Variants in KIRREL3 observed in about 807,000 individuals in gnomAD.
The protein encoded by KIRREL3 is kirre like nephrin family adhesion molecule 3.
KIRREL3 carries 36 observed loss-of-function variants against 89.7 expected under a neutral mutation model. That is an observed-to-expected ratio of 0.40 (90% CI 0.31 to 0.53). The LOEUF is 0.53. Ranked by LOEUF, KIRREL3 falls within the 20% of genes least tolerant of loss-of-function variation. The pLI is 0.49. For missense variants in KIRREL3, 864 were observed against 1,056.6 expected (o/e 0.82, Z 2.53); for synonymous variants, 445 against 441.4 (o/e 1.01, Z -0.10).
chr11:126,482,563 T>G (rs1387579571), intron 4 of KIRREL3, among the ~76,000 whole-genome samples: 1 of 152,248 alleles, frequency 6.6e-6, no homozygotes, highest in African/African-American at 2.4e-5. Context: ...AAGGGTCTGA[T>G]GGATGATGTG....
rs78852819 is a variant in KIRREL3, at chr11:126,641,718, C to T, written c.56-78806G>A. Among the ~76,000 whole-genome samples, 647 of 152,204 alleles carry T rather than the reference C, an allele frequency of 4.3e-3. 7 individuals are homozygous for T. The highest frequency in any genetic ancestry group is 0.015 in the African/African-American group (622 of 41,528). Reference sequence around the variant, plus strand: ...AGTCTTTCTCCTTCTCTCTTTGTACCCAGAGGCTCCAGCATATTTGCATAG... The same window carrying T: ...AGTCTTTCTCCTTCTCTCTTTGTACTCAGAGGCTCCAGCATATTTGCATAG... On this transcript the variant is annotated intron_variant, in intron 1 of 16. Coordinates refer to ENST00000525144, the MANE Select transcript of KIRREL3 (RefSeq NM_032531.4). The surrounding 1 kb of genome is among the most constrained non-coding windows in gnomAD (Gnocchi z 5.0).
chr11:126,543,014 C>T (rs902051266), intron 2 of KIRREL3, among the ~76,000 whole-genome samples: 8 of 152,128 alleles, frequency 5.3e-5, no homozygotes, highest in African/African-American at 1.7e-4. Context: ...GAGCAGGTCC[C>T]ATCATCAGCC....
Position 126,521,306 on chromosome 11 carries a change from G to A in KIRREL3, c.433+9C>T. On this transcript the variant is annotated intron_variant, in intron 4 of 16. Coordinates refer to ENST00000525144, the MANE Select transcript of KIRREL3 (RefSeq NM_032531.4). The surrounding 1 kb of genome is among the most constrained non-coding windows in gnomAD (Gnocchi z 4.1). ...CAGTGTCCCAGCCCCGTGTGCAGAT[G>A]GTTCTTACCCAGGACTGTGAGGCGT... 6.5e-7 allele frequency: 1 copy of A among 1,531,650 alleles called. No individual in the cohort carries two copies. The highest frequency in any genetic ancestry group is 8.8e-7 in the Non-Finnish European group (1 of 1,133,828). The allele number at this position is 1,531,650 out of a possible 1,614,324, so 94.9% of individuals were successfully genotyped here.
chr11:126,535,121 G>A lies in KIRREL3; in HGVS notation c.134-8434C>T, dbSNP rs1937741330. Among the ~76,000 whole-genome samples the A allele has an allele frequency of 6.6e-6, 1 of 152,032 alleles. No homozygotes were observed. Among genetic ancestry groups the A allele is most frequent in the Non-Finnish European group, 1.5e-5 (1 of 68,020 alleles). Reference sequence around the variant, plus strand: ...GGGCAGAGCTGGGAGCAGGCAGATGGCATCCTCAGATCAGTGGTGGGGCTG... The same window carrying A: ...GGGCAGAGCTGGGAGCAGGCAGATGACATCCTCAGATCAGTGGTGGGGCTG... On this transcript the variant is annotated intron_variant, in intron 2 of 16. Coordinates refer to ENST00000525144, the MANE Select transcript of KIRREL3 (RefSeq NM_032531.4). The surrounding 1 kb of genome is among the most constrained non-coding windows in gnomAD (Gnocchi z 4.5).
chr11:126,784,792 C>T (rs769301079), intron 1 of KIRREL3, among the ~76,000 whole-genome samples: 3 of 152,208 alleles, frequency 2.0e-5, no homozygotes, highest in Non-Finnish European at 4.4e-5. Flanking sequence ...CCTCTATCAC[C>T]ATTTTACTTA....
At position 126,940,622 on chromosome 11, in the gene KIRREL3, C is replaced by T. The variant is rs1306825681; in HGVS notation, c.55+59833G>A. The T allele has an allele frequency of 6.6e-6, 1 of 152,056 alleles. No homozygotes were observed. Among genetic ancestry groups the T allele is most frequent in the Admixed American group, 6.6e-5 (1 of 15,264 alleles). The allele number at this position is 152,056 out of a possible 1,614,324, so 9.4% of individuals were successfully genotyped here. ...TGCATTTTCACCCTTCTCAGCCATA[C>T]CTGGAAGTGGCCATTCATTTTTACA... On this transcript the variant is annotated intron_variant, in intron 1 of 16. Transcript: ENST00000525144. This position sits in a 1 kb window ranked among gnomAD's most constrained non-coding sequence, Gnocchi z 4.6.
Position 126,653,132 on chromosome 11 carries a change from C to A in KIRREL3, c.56-90220G>T, listed in dbSNP as rs1398717792. Among the ~76,000 whole-genome samples, 1 of 152,192 alleles carries A rather than the reference C, an allele frequency of 6.6e-6. No individual in the cohort carries two copies. The highest frequency in any genetic ancestry group is 2.4e-5 in the African/African-American group (1 of 41,426). On this transcript the variant is annotated intron_variant, in intron 1 of 16. Coordinates refer to ENST00000525144, the MANE Select transcript of KIRREL3 (RefSeq NM_032531.4). The surrounding 1 kb of genome is among the most constrained non-coding windows in gnomAD (Gnocchi z 5.4). The stretch of plus-strand genomic sequence containing the variant: ...TTGTCTTGTGAGGAATATATGTACA[C>A]AACTGAAAAGTTAAGTAAACAAGAG...
intron 1 of KIRREL3, among the ~76,000 whole-genome samples, chr11:126,789,465 T>C (rs1439480581): frequency 6.6e-6 from 1 of 152,240 alleles, no homozygotes; most frequent in Non-Finnish European, 1.5e-5. Context: ...TCCACTTCTC[T>C]GTATCCCCTC....
At position 126,653,631 on chromosome 11, in the gene KIRREL3, C is replaced by A. The variant is rs1180665515; in HGVS notation, c.56-90719G>T. On this transcript the variant is annotated intron_variant, in intron 1 of 16. Coordinates refer to ENST00000525144, the MANE Select transcript of KIRREL3 (RefSeq NM_032531.4). This position sits in a 1 kb window ranked among gnomAD's most constrained non-coding sequence, Gnocchi z 5.4. ...TGAAGGAGCTCTTTTCAAGGTCACA[C>A]GGACACTCTGACCCGACTCTCTCCT... 1.3e-5 allele frequency among the ~76,000 whole-genome samples: 2 copies of A among 152,146 alleles called. No individual in the cohort carries two copies. The highest frequency in any genetic ancestry group is 2.9e-5 in the Non-Finnish European group (2 of 68,022).
chr11:126,610,686 G>C lies in KIRREL3; in HGVS notation c.56-47774C>G, dbSNP rs933157086. 1 of 152,204 alleles carries C rather than the reference G, an allele frequency of 6.6e-6. No individual in the cohort carries two copies. The highest frequency in any genetic ancestry group is 1.5e-5 in the Non-Finnish European group (1 of 68,060). The allele number at this position is 152,204 out of a possible 1,614,324, so 9.4% of individuals were successfully genotyped here. On this transcript the variant is annotated intron_variant, in intron 1 of 16. Coordinates refer to ENST00000525144, the MANE Select transcript of KIRREL3 (RefSeq NM_032531.4). This position sits in a 1 kb window ranked among gnomAD's most constrained non-coding sequence, Gnocchi z 4.6. ...GTGCCAGGACTACAGACAGGGCAACGGAGAGCAGGGGCTTGCTGGAGAAAT... is the reference window on the plus strand; with the variant it reads ...GTGCCAGGACTACAGACAGGGCAACCGAGAGCAGGGGCTTGCTGGAGAAAT...
At chr11:126,510,601 T>C (rs981844904) in intron 4 of KIRREL3, among the ~76,000 whole-genome samples, 2 of 152,126 alleles carry the variant, frequency 1.3e-5, no homozygotes, top group African/African-American at 4.8e-5. Flanking sequence ...CCAGCTACCC[T>C]GGCTCTGTTT....
intron 1 of KIRREL3, among the ~76,000 whole-genome samples, chr11:126,911,518 A>G (rs1201958226): frequency 6.6e-6 from 1 of 152,166 alleles, no homozygotes; most frequent in East Asian, 1.9e-4. Flanking sequence ...CCAACAGGGC[A>G]GGAAAGCTCA....
intron 8 of KIRREL3, 88 bp downstream of exon 8, chr11:126,448,921 G>T: frequency 7.4e-7 from 1 of 1,352,474 alleles, no homozygotes; most frequent in Non-Finnish European, 9.9e-7. Flanking sequence ...TGTGTTGTGT[G>T]CAATGAATCT....
In KIRREL3 at chr11:126,655,049, C is replaced by G. The variant is rs1299085657; in HGVS notation, c.56-92137G>C. 6.6e-6 allele frequency among the ~76,000 whole-genome samples: 1 copy of G among 152,216 alleles called. No homozygotes were observed. The highest frequency in any genetic ancestry group is 1.5e-5 in the Non-Finnish European group (1 of 68,050). On this transcript the variant is annotated intron_variant, in intron 1 of 16. Transcript: ENST00000525144. This position sits in a 1 kb window ranked among gnomAD's most constrained non-coding sequence, Gnocchi z 5.0. ...CCTAGCTGGCACAGGCTGTGCTGAA[C>G]ACAGGTCTCACCCCACTGTGGGCAG...
intron 5 of KIRREL3, among the ~76,000 whole-genome samples, chr11:126,470,629 C>T (rs1377032952): frequency 6.6e-6 from 1 of 152,174 alleles, no homozygotes; most frequent in African/African-American, 2.4e-5. Context: ...GTAGGGGGAA[C>T]CAGGCCGTGT....
At chr11:126,789,112 G>T (rs1390332361) in intron 1 of KIRREL3, among the ~76,000 whole-genome samples, 1 of 152,152 alleles carries the variant, frequency 6.6e-6, no homozygotes, top group Non-Finnish European at 1.5e-5. Flanking sequence ...GCTCTTTAGG[G>T]GCATGGACTA....
rs76231275 is a variant in KIRREL3 at position 126,789,505 on chromosome 11, A to T, written c.55+210950T>A. 5.8e-3 allele frequency among the ~76,000 whole-genome samples: 885 copies of T among 152,218 alleles called. 5 individuals are homozygous for T. Among genetic ancestry groups the T allele is most frequent in the African/African-American group, 0.019 (803 of 41,532 alleles). On this transcript the variant is annotated intron_variant, in intron 1 of 16. Transcript: ENST00000525144. ...AAAAATTGGAAAAAGTTGTCTGTAC[A>T]CATTGCTTCCACTTCACCTTCTCTC...
At chr11:126,457,299 G>A (rs1356523035) in intron 6 of KIRREL3, among the ~76,000 whole-genome samples, 3 of 151,378 alleles carry the variant, frequency 2.0e-5, no homozygotes, top group South Asian at 2.1e-4. Flanking sequence ...GTGTGTATGC[G>A]TGTGTATGTC....
chr11:126,891,248 A>T lies in KIRREL3; in HGVS notation c.55+109207T>A, dbSNP rs192943666. On this transcript the variant is annotated intron_variant, in intron 1 of 16. Transcript: ENST00000525144. This position sits in a 1 kb window ranked among gnomAD's most constrained non-coding sequence, Gnocchi z 5.1. ...AAATAGCATGGCTCTCTATCTTCTC[A>T]TGCCTTAGAACTTTATTCCTTATAT... Among the ~76,000 whole-genome samples the T allele has an allele frequency of 3.0e-3, 450 of 152,310 alleles. 4 individuals are homozygous for T. Among genetic ancestry groups the T allele is most frequent in the Middle Eastern group, 0.014 (4 of 294 alleles).
Sources: gnomAD v4.1 joint callset for allele counts (sites outside exome capture counted in the v4.1 genomes callset) on GRCh38, gnomAD v4.1.1 for gene constraint, Gnocchi (gnomAD v3.1) non-coding constraint, MANE v1.5 for transcripts, NCBI Gene and HGNC (gene_info 2026-07-23, HGNC 2026-07-21) for gene names.